EHBP1: variants seen among roughly 807,000 people sequenced by gnomAD.
The protein encoded by EHBP1 is EH domain-binding protein 1.
In EHBP1, 55 loss-of-function variants were observed where a neutral mutation model predicts 144.0. The observed-to-expected ratio is 0.38, with a 90% CI of 0.31 to 0.48. EHBP1 has a LOEUF of 0.48. EHBP1 is among the 20% of genes least tolerant of loss of function. EHBP1 has a pLI of 0.98. For missense variants in EHBP1, 1,200 were observed against 1,364.2 expected (o/e 0.88, Z 1.90); for synonymous variants, 469 against 472.7 (o/e 0.99, Z 0.10).
intron 10 of EHBP1, among the ~76,000 whole-genome samples, chr2:62,905,347 G>A (rs35881827): frequency 0.11 from 16,861 of 152,178 alleles, 1,216 homozygotes; most frequent in East Asian, 0.19. Context: ...CACATTAGAG[G>A]AACAAGTGGG....
rs934147481 is a variant in EHBP1, at chr2:62,993,814, T to C, written c.2873-57T>C. ...CTGGTAATGTAAATTCACATTTCAA[T>C]ACACAAATATCAAGCTTTACAATAA... On this transcript the variant is annotated intron_variant, in intron 17 of 22. Transcript: ENST00000431489. The C allele has an allele frequency of 3.7e-5, 50 of 1,365,878 alleles. No homozygotes were observed. The African/African-American group carries it at 7.0e-4, about 19-fold the overall frequency. The allele number at this position is 1,365,878 out of a possible 1,614,324, so 84.6% of individuals were successfully genotyped here.
intron 10 of EHBP1, among the ~76,000 whole-genome samples, chr2:62,882,524 A>T (rs911126892): frequency 3.3e-5 from 5 of 152,198 alleles, no homozygotes; most frequent in African/African-American, 9.7e-5. Context: ...CCTACTTCCT[A>T]TACCATTCCT....
At chr2:62,844,733 G>C (rs938329445) in intron 7 of EHBP1, among the ~76,000 whole-genome samples, 8 of 152,238 alleles carry the variant, frequency 5.3e-5, no homozygotes, top group African/African-American at 1.9e-4. Context: ...TTTACAGTAA[G>C]CATTGTTAAG....
chr2:63,041,868 G>A (rs2061672953), intron 21 of EHBP1, among the ~76,000 whole-genome samples: 1 of 152,096 alleles, frequency 6.6e-6, no homozygotes, highest in African/African-American at 2.4e-5. Context: ...TTTACTACAA[G>A]AACTTTAGGT....
chr2:62,718,962 C>T (rs2035947189), intron 2 of EHBP1, among the ~76,000 whole-genome samples: 2 of 150,828 alleles, frequency 1.3e-5, no homozygotes, highest in Non-Finnish European at 1.5e-5. Context: ...GATAGCTATT[C>T]TGAATGTTGA....
At chr2:62,975,181 A>G (rs1031095424) in intron 14 of EHBP1, among the ~76,000 whole-genome samples, 7 of 152,236 alleles carry the variant, frequency 4.6e-5, no homozygotes, top group African/African-American at 1.7e-4. Context: ...CCTACATGTA[A>G]CTTAGTCCTC....
chr2:63,040,363 C>G (rs917690438), intron 21 of EHBP1, among the ~76,000 whole-genome samples: 1 of 151,842 alleles, frequency 6.6e-6, no homozygotes, highest in East Asian at 1.9e-4. Flanking sequence ...TGGTTCTAAC[C>G]CCAAAACCAA....
intron 7 of EHBP1, among the ~76,000 whole-genome samples, chr2:62,831,382 A>G (rs2046815407): frequency 6.6e-6 from 1 of 152,196 alleles, no homozygotes; most frequent in Non-Finnish European, 1.5e-5. Context: ...AAAATAACAA[A>G]AAACATTCTT....
chr2:62,707,286 C>T lies in EHBP1; in HGVS notation c.95C>T (p.Thr32Met), dbSNP rs149177405. 14 of 1,613,070 alleles carry T rather than the reference C, an allele frequency of 8.7e-6. No homozygotes were observed. Among genetic ancestry groups the T allele is most frequent in the Admixed American group, 1.7e-5 (1 of 60,014 alleles). The change falls in exon 2 of 23, where the codon ACG becomes ATG. Residue 32 changes from threonine to methionine, a missense_variant. Transcript: ENST00000431489. ...ASYQELMVEC[T>M]KKWQPDKLVV... Reference sequence around the variant, plus strand: ...TACCAGGAGCTCATGGTTGAGTGTACGAAGAAATGGTAAGATGTACCTGGA... The same window carrying T: ...TACCAGGAGCTCATGGTTGAGTGTATGAAGAAATGGTAAGATGTACCTGGA...
chr2:62,817,267 G>A (rs905369204), intron 5 of EHBP1, among the ~76,000 whole-genome samples: 2 of 152,150 alleles, frequency 1.3e-5, no homozygotes, highest in African/African-American at 4.8e-5. Context: ...GAAATTTTAG[G>A]TAAGGTGGGC....
chr2:63,000,299 C>T (rs1331367651), intron 19 of EHBP1, among the ~76,000 whole-genome samples: 1 of 152,094 alleles, frequency 6.6e-6, no homozygotes, highest in African/African-American at 2.4e-5. Context: ...ATTTATATGT[C>T]TGGTTCCTTC....
intron 19 of EHBP1, among the ~76,000 whole-genome samples, chr2:63,032,100 G>A (rs896206192): frequency 6.6e-6 from 1 of 151,812 alleles, no homozygotes; most frequent in South Asian, 2.1e-4. Context: ...GTATAAAAAA[G>A]GTCAGTTCAA....
chr2:62,898,403 T>G (rs1039075757), intron 10 of EHBP1, among the ~76,000 whole-genome samples: 2 of 152,162 alleles, frequency 1.3e-5, no homozygotes, highest in Non-Finnish European at 2.9e-5. Flanking sequence ...AAAAATTGTT[T>G]TGTTTTGTGC....
chr2:62,753,967 T>C (rs2152249512), intron 3 of EHBP1, among the ~76,000 whole-genome samples: 1 of 152,308 alleles, frequency 6.6e-6, no homozygotes, highest in Non-Finnish European at 1.5e-5. Flanking sequence ...AGAAGTTTGA[T>C]CGTCTGAAGC....
At chr2:62,956,742 C>T (rs1445870812) in intron 14 of EHBP1, among the ~76,000 whole-genome samples, 1 of 150,474 alleles carries the variant, frequency 6.6e-6, no homozygotes, top group East Asian at 1.9e-4. Context: ...AAACAACCAT[C>T]TTATTAGGTT....
rs368688074 is a variant in EHBP1 at position 62,992,351 on chromosome 2, A to C, written c.2734-1179A>C. ...GCATGATATTAATGATAAATTCATTAGATAACTTTAAAAAAATAAAATAGT... is the reference window on the plus strand; with the variant it reads ...GCATGATATTAATGATAAATTCATTCGATAACTTTAAAAAAATAAAATAGT... On this transcript the variant is annotated intron_variant, in intron 16 of 22. Coordinates refer to ENST00000431489, the MANE Select transcript of EHBP1 (RefSeq NM_001142616.3). Among the ~76,000 whole-genome samples the C allele has an allele frequency of 2.6e-5, 4 of 152,332 alleles. No homozygotes were observed. The East Asian group carries it at 5.8e-4, about 22-fold the overall frequency.
intron 12 of EHBP1, among the ~76,000 whole-genome samples, chr2:62,944,630 A>G (rs1274682581): frequency 6.6e-6 from 1 of 152,234 alleles, no homozygotes; most frequent in Non-Finnish European, 1.5e-5. Flanking sequence ...ATTTTCCCAC[A>G]TAATTAATCA....
chr2:62,821,864 G>A (rs1406572336), intron 5 of EHBP1, among the ~76,000 whole-genome samples: 2 of 151,972 alleles, frequency 1.3e-5, no homozygotes, highest in African/African-American at 4.8e-5. Context: ...GGATACATAG[G>A]TGTATATGTT....
intron 2 of EHBP1, among the ~76,000 whole-genome samples, chr2:62,717,147 A>G (rs2035764378): frequency 1.3e-5 from 2 of 152,144 alleles, no homozygotes; most frequent in Non-Finnish European, 2.9e-5. Flanking sequence ...TGTAATTTTC[A>G]TACATTATTT....
Sources: gnomAD v4.1 joint callset for allele counts (sites outside exome capture counted in the v4.1 genomes callset) on GRCh38, gnomAD v4.1.1 for gene constraint, MANE v1.5 for transcripts, NCBI Gene and HGNC (gene_info 2026-07-23, HGNC 2026-07-21) for gene names.